The following CRIP3 variants were observed in gnomAD, a reference collection of about 807,000 sequenced individuals.
CRIP3 encodes cysteine rich protein 3, also known as cysteine-rich protein 3.
Under a neutral mutation model 30.3 loss-of-function variants are expected in CRIP3, and 23 were observed. The observed-to-expected ratio is 0.76, with a 90% CI of 0.55 to 1.08. The LOEUF (loss-of-function observed/expected upper bound fraction) is 1.08. Among genes scored for constraint, CRIP3 ranks in the 50% least tolerant of loss-of-function variants. The pLI is 0.00. For missense variants in CRIP3, 261 were observed against 259.3 expected, an observed-to-expected ratio of 1.01 and a Z score of -0.04; for synonymous variants, 89 against 97.6, an observed-to-expected ratio of 0.91 and a Z score of 0.52.
Position 43,306,531 on chromosome 6 carries a change from G to A in CRIP3, c.329-14C>T. ...TATGGGGAGGGCCTTTAAAGGGGAA[G>A]AGGCCCTGGCTATGTCTGAGGTGGA... On this transcript the variant is annotated splice_polypyrimidine_tract_variant and intron_variant, in intron 4 of 7. Transcript: ENST00000372569. 1 of 1,591,152 alleles carries A rather than the reference G, an allele frequency of 6.3e-7. No individual in the cohort carries two copies. Among genetic ancestry groups the A allele is most frequent in the Non-Finnish European group, 8.6e-7 (1 of 1,168,066 alleles).
At chr6:43,305,923 G>T in intron 7 of CRIP3, 48 bp from the exon 8 acceptor site, 1 of 1,613,590 alleles carries the variant, frequency 6.2e-7, no homozygotes, top group African/African-American at 1.3e-5. Flanking sequence ...TGTGGTGCAG[G>T]GTTCAGGCCT....
intron 1 of CRIP3, 37 bp downstream of exon 1, chr6:43,308,713 C>A: frequency 6.2e-7 from 1 of 1,613,278 alleles, no homozygotes; most frequent in South Asian, 1.1e-5. Context: ...GGCTCCCATT[C>A]GCCCCATCTT....
At chr6:43,308,103 C>T (rs1370369789) in intron 2 of CRIP3, among the ~76,000 whole-genome samples, 1 of 152,038 alleles carries the variant, frequency 6.6e-6, no homozygotes, top group Non-Finnish European at 1.5e-5. Context: ...GACGCTGCTT[C>T]CCACTCACCC....
chr6:43,306,922 T>A (rs1299244457), intron 4 of CRIP3: 31 of 180,414 alleles, frequency 1.7e-4, no homozygotes, highest in Non-Finnish European at 3.5e-4. Context: ...GGAGAAAAGT[T>A]GAAGAATATG....
Position 43,305,838 on chromosome 6 carries a change from G to T in CRIP3, c.591C>A (p.Asp197Glu), listed in dbSNP as rs1466647111. Residue 197 changes from aspartate (D) to glutamate (E), a missense_variant, in exon 8 of 8, where the codon GAC (aspartate) becomes GAA (glutamate). Asp to Glu is a conservative substitution (Grantham distance 45, BLOSUM62 2). Coordinates refer to ENST00000372569, the MANE Select transcript of CRIP3 (RefSeq NM_206922.3). ...NIGDVGCYIY[D>E]PVKIKFK ...CTCATTTGAATTTTATCTTCACTGG[G>T]TCATAGATGTAGCAGCCCACATCGC... 1 of 1,614,000 alleles carries T rather than the reference G, an allele frequency of 6.2e-7. No individual in the cohort carries two copies. Among genetic ancestry groups the T allele is most frequent in the Non-Finnish European group, 8.5e-7 (1 of 1,180,036 alleles).
At position 43,305,507 on chromosome 6, in the gene CRIP3, C is replaced by A. The variant is rs948233091; in HGVS notation, c.*307G>T. ...CATTTTATTGAAGAAGCCACAGAGGCTGAAATTCAATAAACACAAGTTTTA... is the reference window on the plus strand; with the variant it reads ...CATTTTATTGAAGAAGCCACAGAGGATGAAATTCAATAAACACAAGTTTTA... On this transcript the variant is annotated 3_prime_UTR_variant, in exon 8 of 8. Coordinates refer to ENST00000372569, the MANE Select transcript of CRIP3 (RefSeq NM_206922.3). 5 of 430,336 alleles carry A rather than the reference C, an allele frequency of 1.2e-5. No homozygotes were observed. Among genetic ancestry groups the A allele is most frequent in the Non-Finnish European group, 1.3e-5 (3 of 237,940 alleles). The allele number at this position is 430,336 out of a possible 1,614,324, so 26.7% of individuals were successfully genotyped here. A position where few individuals can be genotyped will look rare whatever the true frequency, so the allele number is the denominator to read the frequency against.
At chr6:43,308,271 A>T in intron 2 of CRIP3, 44 bp downstream of exon 2, 1 of 1,486,734 alleles carries the variant, frequency 6.7e-7, no homozygotes, top group Non-Finnish European at 9.2e-7. Context: ...GGGGGGTGGG[A>T]GGCAGTGATG....
intron 1 of CRIP3, 25 bp from the exon 2 acceptor site, chr6:43,308,434 G>C (rs1778992589): frequency 1.3e-6 from 2 of 1,596,244 alleles, no homozygotes; most frequent in East Asian, 2.2e-5. Flanking sequence ...GTGGAACCGA[G>C]CTGCGAGGAG....
Position 43,307,912 on chromosome 6 carries a change from G to A in CRIP3, c.139-16C>T. The A allele has an allele frequency of 6.2e-7, 1 of 1,613,324 alleles. No individual in the cohort carries two copies. Among genetic ancestry groups the A allele is most frequent in the Non-Finnish European group, 8.5e-7 (1 of 1,179,922 alleles). ...TCCCATTGTGCTGGGCACAAGCAGA[G>A]GGAAGTGGGTTACTCAAGGCCAGCG... On this transcript the variant is annotated splice_polypyrimidine_tract_variant and intron_variant, in intron 2 of 7. Coordinates refer to ENST00000372569, the MANE Select transcript of CRIP3 (RefSeq NM_206922.3).
chr6:43,308,756 A>G lies in CRIP3; in HGVS notation c.37T>C (p.Phe13Leu), dbSNP rs144819573. The change falls in exon 1 of 8, where the codon TTC becomes CTC. Residue 13 changes from phenylalanine to leucine, a missense_variant. Physicochemically the swap from Phe to Leu is conservative, Grantham distance 22 (BLOSUM62 0). Coordinates refer to ENST00000372569, the MANE Select transcript of CRIP3 (RefSeq NM_206922.3). ...WTCPRCQQPV[F>L]FAEKVSSLGK... ...TCCGCAGCCCGGGCCTCACCGAAGA[A>G]AACAGGTTGCTGGCAACGCGGACAG... 4.3e-5 allele frequency: 69 copies of G among 1,614,024 alleles called. No individual in the cohort carries two copies. The Middle Eastern group carries it at 6.6e-4, about 15-fold the overall frequency.
chr6:43,308,269 G>GGAGGCAGTGATGTAAAC, intron 2 of CRIP3, 46 bp downstream of exon 2: 1 of 1,480,186 alleles, frequency 6.8e-7, no homozygotes, highest in African/African-American at 1.4e-5. Flanking sequence ...CTGGGGGGTG[G>GGAGGCAGTGATGTAAAC]GAGGCAGTGA....
chr6:43,308,236 G>A (rs1481511803), intron 2 of CRIP3, 79 bp downstream of exon 2: 2 of 1,288,650 alleles, frequency 1.6e-6, no homozygotes, highest in African/African-American at 2.9e-5. Flanking sequence ...CAGGCCTCCA[G>A]TGCTGAAGTT....
In CRIP3 at chr6:43,308,317, C is replaced by T; in HGVS notation, c.136G>A (p.Glu46Lys). 6.2e-7 allele frequency: 1 copy of T among 1,611,994 alleles called. No individual in the cohort carries two copies. Among genetic ancestry groups the T allele is most frequent in the Non-Finnish European group, 8.5e-7 (1 of 1,179,074 alleles). ...HSILSPGGHA[E>K]HNGRPYCHKP... ...AGTGCTCCCTGGCCAGGTCTTACCT[C>T]TGCATGCCCGCCAGGGGACAGGATG... Residue 46 changes from glutamate (E) to lysine (K), a missense_variant and splice_region_variant, in exon 2 of 8, where the codon GAG becomes AAG. Glu to Lys is a moderately conservative substitution (Grantham distance 56, BLOSUM62 1). Transcript: ENST00000372569.
rs371606006 is a variant in CRIP3, at chr6:43,308,314, C to G, written c.138+1G>C. The G allele has an allele frequency of 3.1e-6, 5 of 1,610,896 alleles. No homozygotes were observed. In the African/African-American group the frequency reaches 4.0e-5, roughly 13 times the overall value. ...GGCAGTGCTCCCTGGCCAGGTCTTA[C>G]CTCTGCATGCCCGCCAGGGGACAGG... On this transcript the variant is annotated splice_donor_variant, in intron 2 of 7. Coordinates refer to ENST00000372569, the MANE Select transcript of CRIP3 (RefSeq NM_206922.3). LOFTEE classifies it high-confidence loss of function.
At chr6:43,307,800 G>A in intron 3 of CRIP3, 39 bp downstream of exon 3, 2 of 1,611,894 alleles carry the variant, frequency 1.2e-6, no homozygotes, top group Non-Finnish European at 1.7e-6. Context: ...CCACAAGGAG[G>A]GTTCTGCTGA....
At chr6:43,308,541 C>A in intron 1 of CRIP3, 132 bp from the exon 2 acceptor site, 1 of 906,138 alleles carries the variant, frequency 1.1e-6, no homozygotes, top group Non-Finnish European at 1.7e-6. Context: ...TCCAGGAGGC[C>A]AGCTCCATCC....
In CRIP3 at chr6:43,307,625, G is replaced by A; in HGVS notation, c.315C>T (p.Pro105=). 2.0e-6 allele frequency: 3 copies of A among 1,474,124 alleles called. No homozygotes were observed. Among genetic ancestry groups the A allele is most frequent in the African/African-American group, 1.4e-5 (1 of 70,560 alleles). The allele number at this position is 1,474,124 out of a possible 1,614,324, so 91.3% of individuals were successfully genotyped here. A position where few individuals can be genotyped will look rare whatever the true frequency, so the allele number is the denominator to read the frequency against. Residue 105 remains proline, a synonymous_variant, in exon 4 of 8, where the codon CCC becomes CCT. Transcript: ENST00000372569. ...GCCCAGCCTTACTTTTCTTGCCTTG[G>A]GGGAGGCCAGTCCTTGGCCTGGGAG... ...FSPPRPRTGL[P]QGKKSPPHMK...
At chr6:43,307,573 G>A (rs1185111805) in intron 4 of CRIP3, 39 bp downstream of exon 4, 4 of 1,404,446 alleles carry the variant, frequency 2.8e-6, no homozygotes, top group East Asian at 5.1e-5. Flanking sequence ...TTGGGGAAGG[G>A]TCGGGAGGAG....
chr6:43,308,729 C>CCT, intron 1 of CRIP3, 21 bp downstream of exon 1: 2 of 1,613,998 alleles, frequency 1.2e-6, no homozygotes, highest in Non-Finnish European at 1.7e-6. Flanking sequence ...ATCTTCTCCC[C>CCT]CTCCGCAGCC....
Sources: gnomAD v4.1 joint callset for allele counts (sites outside exome capture counted in the v4.1 genomes callset) on GRCh38, gnomAD v4.1.1 for gene constraint, MANE v1.5 for transcripts, NCBI Gene and HGNC (gene_info 2026-07-23, HGNC 2026-07-21) for gene names.